SND1: variants seen among roughly 807,000 people sequenced by gnomAD.
The protein encoded by SND1 is staphylococcal nuclease domain-containing protein 1.
SND1 carries 38 observed loss-of-function variants against 121.7 expected under a neutral mutation model. The observed-to-expected ratio is 0.31, with a 90% CI of 0.24 to 0.41. The LOEUF is 0.41. Ranked by LOEUF, SND1 falls within the 10% of genes least tolerant of loss-of-function variation. The pLI is 1.00. For synonymous variants in SND1, 401 were observed against 447.4 expected, an observed-to-expected ratio of 0.90 and a Z score of 1.31; for missense variants, 868 against 1,184.6, an observed-to-expected ratio of 0.73 and a Z score of 3.92.
At chr7:127,845,743 C>T (rs1044081905) in intron 12 of SND1, among the ~76,000 whole-genome samples, 6 of 152,116 alleles carry the variant, frequency 3.9e-5, no homozygotes, top group African/African-American at 1.2e-4. Flanking sequence ...TACAAAACCA[C>T]GTGTCTTTAT....
intron 15 of SND1, among the ~76,000 whole-genome samples, chr7:127,960,397 C>T (rs1430710919): frequency 1.3e-5 from 2 of 152,198 alleles, no homozygotes; most frequent in South Asian, 4.1e-4. Flanking sequence ...ACCCAGCCCA[C>T]ACAAAACGTA....
intron 18 of SND1, 47 bp from the exon 19 acceptor site, chr7:128,084,677 C>T (rs1228880564): frequency 3.2e-6 from 5 of 1,561,398 alleles, no homozygotes; most frequent in African/African-American, 1.4e-5. Flanking sequence ...GCTGAGCCGT[C>T]GAGGAACCCA....
At chr7:127,703,496 G>A (rs1050704256) in intron 7 of SND1, among the ~76,000 whole-genome samples, 173 bp downstream of exon 7, 25 of 152,346 alleles carry the variant, frequency 1.6e-4, no homozygotes, top group South Asian at 1.0e-3. Flanking sequence ...GGTGGATCAC[G>A]AAGTTAGGAG....
At chr7:127,783,832 T>C (rs1797766482) in intron 10 of SND1, among the ~76,000 whole-genome samples, 1 of 152,244 alleles carries the variant, frequency 6.6e-6, no homozygotes, top group African/African-American at 2.4e-5. Context: ...TGGTCATGTA[T>C]GAAATAGTAT....
intron 10 of SND1, among the ~76,000 whole-genome samples, chr7:127,793,158 CT>C (rs1797944980): frequency 6.6e-6 from 1 of 152,058 alleles, no homozygotes; most frequent in Non-Finnish European, 1.5e-5. Context: ...CTTTTCAGGT[CT>C]AGGGGACATT....
At chr7:127,985,361 G>T (rs1488831809) in intron 15 of SND1, among the ~76,000 whole-genome samples, 2 of 152,174 alleles carry the variant, frequency 1.3e-5, no homozygotes, top group African/African-American at 4.8e-5. Context: ...GAATTCAAGT[G>T]GTTCTCCTGC....
At chr7:127,872,641 C>T (rs973075617) in intron 12 of SND1, among the ~76,000 whole-genome samples, 2 of 148,850 alleles carry the variant, frequency 1.3e-5, no homozygotes, top group South Asian at 4.2e-4. Context: ...CACACACACA[C>T]ACACACACAC....
intron 10 of SND1, among the ~76,000 whole-genome samples, chr7:127,757,144 A>T (rs1049725359): frequency 2.0e-5 from 3 of 152,156 alleles, no homozygotes; most frequent in Non-Finnish European, 2.9e-5. Flanking sequence ...ATTCCACATC[A>T]ATTAGTTATG....
At chr7:127,781,597 T>G (rs896815222) in intron 10 of SND1, among the ~76,000 whole-genome samples, 2 of 152,174 alleles carry the variant, frequency 1.3e-5, no homozygotes, top group African/African-American at 4.8e-5. Context: ...ATTTTTTTTT[T>G]TCCACTTGGA....
intron 1 of SND1, among the ~76,000 whole-genome samples, chr7:127,670,872 G>GGA (rs1795503775): frequency 1.3e-5 from 2 of 151,696 alleles, no homozygotes; most frequent in East Asian, 1.9e-4. Context: ...GGCATAGGAA[G>GGA]GAAAAGGGAT....
chr7:127,882,450 A>AGAGGGGAGAG (rs1273875760), intron 12 of SND1, among the ~76,000 whole-genome samples: 1 of 140,694 alleles, frequency 7.1e-6, no homozygotes. Context: ...GGAGGGGAAG[A>AGAGGGGAGAG]GAGGGGAGAG....
chr7:127,681,293 TA>T (rs1034734410), intron 1 of SND1, among the ~76,000 whole-genome samples: 2 of 152,240 alleles, frequency 1.3e-5, no homozygotes, highest in African/African-American at 4.8e-5. Context: ...CATTTATATT[TA>T]TTTTTTGGAT....
chr7:127,781,646 T>A (rs1304994729), intron 10 of SND1, among the ~76,000 whole-genome samples: 4 of 152,234 alleles, frequency 2.6e-5, no homozygotes, highest in Non-Finnish European at 5.9e-5. Context: ...ATGGTTTGAT[T>A]TATAAGTCCT....
chr7:128,072,674 C>T (rs1019842293), intron 16 of SND1, among the ~76,000 whole-genome samples: 1 of 152,174 alleles, frequency 6.6e-6, no homozygotes, highest in African/African-American at 2.4e-5. Context: ...ACACTACCCC[C>T]GCCACCTCCC....
rs181540500 is a variant in SND1 at position 127,862,323 on chromosome 7, C to T, written c.1343+17899C>T. ...ATTCTGACTTGATTACCAGGACTCTCGTCTCCCTCTTAATATGTCTCTAAG... is the reference window on the plus strand; with the variant it reads ...ATTCTGACTTGATTACCAGGACTCTTGTCTCCCTCTTAATATGTCTCTAAG... On this transcript the variant is annotated intron_variant, in intron 12 of 23. Coordinates refer to ENST00000354725, the MANE Select transcript of SND1 (RefSeq NM_014390.4). Among the ~76,000 whole-genome samples, 9 of 152,310 alleles carry T rather than the reference C, an allele frequency of 5.9e-5. No individual in the cohort carries two copies. In the East Asian group the frequency reaches 1.4e-3, roughly 23 times the overall value.
At chr7:127,899,066 G>T (rs1800174865) in intron 13 of SND1, among the ~76,000 whole-genome samples, 1 of 152,028 alleles carries the variant, frequency 6.6e-6, no homozygotes, top group Non-Finnish European at 1.5e-5. Flanking sequence ...AGCTTTACTT[G>T]GCACACTTTA....
At chr7:127,673,599 A>C (rs1795564176) in intron 1 of SND1, among the ~76,000 whole-genome samples, 1 of 152,238 alleles carries the variant, frequency 6.6e-6, no homozygotes, top group Admixed American at 6.5e-5. Context: ...GGCGTGAGCC[A>C]CTGTGCCCGG....
intron 16 of SND1, chr7:127,999,707 G>A (rs2116930697): frequency 6.6e-6 from 1 of 152,300 alleles, no homozygotes; most frequent in African/African-American, 2.4e-5. Flanking sequence ...GGTCATGAAA[G>A]TCCTTGAAAC....
chr7:128,036,626 A>G (rs188014332), intron 16 of SND1, among the ~76,000 whole-genome samples: 9 of 152,390 alleles, frequency 5.9e-5, no homozygotes, highest in Admixed American at 5.9e-4. Flanking sequence ...GTAAAGAGAT[A>G]GAATGGAGAG....
Sources: gnomAD v4.1 joint callset for allele counts (sites outside exome capture counted in the v4.1 genomes callset) on GRCh38, gnomAD v4.1.1 for gene constraint, MANE v1.5 for transcripts, NCBI Gene and HGNC (gene_info 2026-07-23, HGNC 2026-07-21) for gene names.